The following GNPTAB variants were observed in gnomAD, a reference collection of about 807,000 sequenced individuals.
The protein encoded by GNPTAB is N-acetylglucosamine-1-phosphotransferase subunits alpha/beta.
Under a neutral mutation model 136.6 loss-of-function variants are expected in GNPTAB, and 92 were observed. That is an observed-to-expected ratio of 0.67 (90% CI 0.57 to 0.80). The LOEUF (loss-of-function observed/expected upper bound fraction) is 0.80. GNPTAB is among the 30% of genes least tolerant of loss of function. The pLI is 0.00. For synonymous variants in GNPTAB, 512 were observed against 535.1 expected, an observed-to-expected ratio of 0.96 and a Z score of 0.60; for missense variants, 1,343 against 1,501.8, an observed-to-expected ratio of 0.89 and a Z score of 1.75.
At chr12:101,795,986 G>A in intron 2 of GNPTAB, 1 of 409,812 alleles carries the variant, frequency 2.4e-6, no homozygotes. Context: ...GACAAGAAAT[G>A]GTGAAGACTG....
rs147543322 is a variant in GNPTAB, at chr12:101,818,846, T to C, written c.117+11713A>G. Among the ~76,000 whole-genome samples, 168 of 152,268 alleles carry C rather than the reference T, an allele frequency of 1.1e-3. 1 individual carries two copies. The highest frequency in any genetic ancestry group is 3.9e-3 in the African/African-American group (161 of 41,560). On this transcript the variant is annotated intron_variant, in intron 1 of 20. Transcript: ENST00000299314. ...GGCTTTTCCCATGCTGTTCCTGTGA[T>C]AGTGAGTAAGTCTCACAAGATCTGA...
chr12:101,751,255 A>G (rs1205898763), intron 19 of GNPTAB, among the ~76,000 whole-genome samples: 1 of 152,196 alleles, frequency 6.6e-6, no homozygotes, highest in African/African-American at 2.4e-5. Context: ...TGTCATTTTC[A>G]TAATTCAAAA....
At chr12:101,787,214 GAA>G (rs1868705472) in intron 4 of GNPTAB, among the ~76,000 whole-genome samples, 1 of 152,160 alleles carries the variant, frequency 6.6e-6, no homozygotes, top group African/African-American at 2.4e-5. Flanking sequence ...TAAGTATCAT[GAA>G]ATATTGACAA....
chr12:101,768,217 CTT>C, intron 10 of GNPTAB, 57 bp from the exon 11 acceptor site: 1 of 1,579,540 alleles, frequency 6.3e-7, no homozygotes, highest in Non-Finnish European at 8.7e-7. Context: ...ACATTTTATT[CTT>C]GAGTTAAGAT....
At chr12:101,761,066 C>A in intron 15 of GNPTAB, 61 bp downstream of exon 15, 1 of 1,300,312 alleles carries the variant, frequency 7.7e-7, no homozygotes, top group Non-Finnish European at 1.1e-6. Flanking sequence ...GCCACTGCGC[C>A]TGACCAGAAT....
chr12:101,802,213 A>G (rs146597075), intron 1 of GNPTAB, among the ~76,000 whole-genome samples: 3,696 of 144,914 alleles, frequency 0.026, 62 homozygotes, highest in Non-Finnish European at 0.037. Flanking sequence ...AAAAAAAAAA[A>G]AAAAGAAAAG....
chr12:101,753,308 T>C, intron 19 of GNPTAB, 64 bp downstream of exon 19: 1 of 1,216,054 alleles, frequency 8.2e-7, no homozygotes, highest in Non-Finnish European at 1.2e-6. Flanking sequence ...ATCACTAACA[T>C]ATAGATACAT....
chr12:101,757,594 A>G lies in GNPTAB; in HGVS notation c.3313T>C (p.Tyr1105His). The change falls in exon 17 of 21, where the codon TAT becomes CAT. Residue 1105 changes from tyrosine (Y) to histidine (H), a missense_variant. By Grantham distance (83) the Tyr-to-His change is moderately conservative. Transcript: ENST00000299314. ...KPVTDKIHKA[Y>H]KDKNKYRFEI... is the part of the protein sequence containing the mutation. ...TACCTATATTTGTTTTTGTCCTTAT[A>G]TGCTTTGTGGATTTTGTCAGTTACT... 6.4e-7 allele frequency: 1 copy of G among 1,561,838 alleles called. No individual in the cohort carries two copies. The highest frequency in any genetic ancestry group is 1.1e-5 in the South Asian group (1 of 90,012).
chr12:101,764,572 G>A lies in GNPTAB; in HGVS notation c.2345C>T (p.Ser782Phe), dbSNP rs1309377136. 6.2e-7 allele frequency: 1 copy of A among 1,613,626 alleles called. No individual in the cohort carries two copies. Among genetic ancestry groups the A allele is most frequent in the Admixed American group, 1.7e-5 (1 of 59,870 alleles). The change falls in exon 13 of 21, where the codon TCT becomes TTT. Residue 782 changes from serine to phenylalanine, a missense_variant. Coordinates refer to ENST00000299314, the MANE Select transcript of GNPTAB (RefSeq NM_024312.5). ...AAAAGTCAACCTCTGCAATCTTTCA[G>A]ACACTCCTAAGCTGTTTGGCAAGAT... Reference protein sequence around the residue: ...KSILPNSLGVSERLQRLTFPA... With the variant: ...KSILPNSLGVFERLQRLTFPA...
chr12:101,772,941 C>G (rs553009229), intron 7 of GNPTAB, among the ~76,000 whole-genome samples: 1 of 152,092 alleles, frequency 6.6e-6, no homozygotes, highest in Non-Finnish European at 1.5e-5. Context: ...CTCAGACTCC[C>G]GAGTAGCTGG....
At chr12:101,794,102 CAA>C (rs1449608943) in intron 2 of GNPTAB, among the ~76,000 whole-genome samples, 1 of 152,290 alleles carries the variant, frequency 6.6e-6, no homozygotes, top group South Asian at 2.1e-4. Flanking sequence ...CTTGGCCTCC[CAA>C]AATGCTAGGA....
chr12:101,748,558 G>A lies in GNPTAB; in HGVS notation c.3693+543C>T, dbSNP rs533199166. ...TGGACACTCACCTCAAGGAGGCTGC[G>A]TGTGTACATGCATGCAGAGGAAAGC... On this transcript the variant is annotated intron_variant, in intron 20 of 20. Transcript: ENST00000299314. Among the ~76,000 whole-genome samples the A allele has an allele frequency of 6.6e-5, 10 of 152,272 alleles. No individual in the cohort carries two copies. In the South Asian group the frequency reaches 1.0e-3, roughly 16 times the overall value.
chr12:101,815,363 A>G (rs1870463604), intron 1 of GNPTAB, among the ~76,000 whole-genome samples: 1 of 152,214 alleles, frequency 6.6e-6, no homozygotes, highest in Non-Finnish European at 1.5e-5. Context: ...GTTAAATGCT[A>G]GACTGTAAGT....
intron 1 of GNPTAB, among the ~76,000 whole-genome samples, chr12:101,806,863 A>G (rs986635352): frequency 2.6e-5 from 4 of 152,184 alleles, no homozygotes; most frequent in Non-Finnish European, 5.9e-5. Flanking sequence ...GAAAAAAAAA[A>G]TGATACCACT....
rs1952736369 is a variant in GNPTAB, at chr12:101,746,443, G to C, written c.*721C>G. 1 of 152,270 alleles carries C rather than the reference G, an allele frequency of 6.6e-6. No individual in the cohort carries two copies. The highest frequency in any genetic ancestry group is 1.9e-4 in the East Asian group (1 of 5,198). 9.4% of individuals were successfully genotyped at this position (152,270 alleles called of 1,614,324 possible). Reference sequence around the variant, plus strand: ...AAAACATAATTACATCTGGTAAGTAGTACTAACTCTAGCCCTTTGAAATTA... The same window carrying C: ...AAAACATAATTACATCTGGTAAGTACTACTAACTCTAGCCCTTTGAAATTA... On this transcript the variant is annotated 3_prime_UTR_variant, in exon 21 of 21. Coordinates refer to ENST00000299314, the MANE Select transcript of GNPTAB (RefSeq NM_024312.5).
At chr12:101,760,297 A>G (rs370888021) in intron 15 of GNPTAB, among the ~76,000 whole-genome samples, 154 bp from the exon 16 acceptor site, 12 of 152,294 alleles carry the variant, frequency 7.9e-5, no homozygotes, top group African/African-American at 2.6e-4. Context: ...AGGCACTCTA[A>G]GAAGAGCAGA....
chr12:101,777,650 T>C (rs1953279252), intron 7 of GNPTAB, among the ~76,000 whole-genome samples: 1 of 152,220 alleles, frequency 6.6e-6, no homozygotes, highest in Admixed American at 6.5e-5. Flanking sequence ...CATGGCACTC[T>C]GTATAAACTC....
chr12:101,786,419 G>A (rs995100293), intron 4 of GNPTAB, among the ~76,000 whole-genome samples: 1 of 152,132 alleles, frequency 6.6e-6, no homozygotes, highest in African/African-American at 2.4e-5. Context: ...CAACTCCAAA[G>A]ATAGAGCTTT....
chr12:101,806,978 G>A (rs1869965107), intron 1 of GNPTAB, among the ~76,000 whole-genome samples: 1 of 152,180 alleles, frequency 6.6e-6, no homozygotes, highest in South Asian at 2.1e-4. Context: ...GACATTACAA[G>A]AAAGGAAACT....
Sources: allele counts gnomAD v4.1 joint callset (sites outside exome capture counted in the v4.1 genomes callset), GRCh38; gene constraint gnomAD v4.1.1; transcripts MANE v1.5; gene names NCBI Gene and HGNC (gene_info 2026-07-23, HGNC 2026-07-21).